DLG2: variants seen among roughly 807,000 people sequenced by gnomAD.
DLG2 encodes the protein discs large MAGUK scaffold protein 2.
DLG2 carries 45 observed loss-of-function variants against 132.5 expected under a neutral mutation model. That is an observed-to-expected ratio of 0.34 (90% CI 0.27 to 0.44). DLG2 has a LOEUF of 0.44. DLG2 is among the 20% of genes least tolerant of loss of function. The pLI is 1.00. For synonymous variants in DLG2, 424 were observed against 419.6 expected (o/e 1.01, Z -0.13); for missense variants, 1,045 against 1,196.9 (o/e 0.87, Z 1.87).
intron 3 of DLG2, among the ~76,000 whole-genome samples, chr11:85,494,271 T>C (rs962510959): frequency 6.6e-6 from 1 of 152,238 alleles, no homozygotes; most frequent in Non-Finnish European, 1.5e-5. Flanking sequence ...ATAACATGTA[T>C]TGATTTTTGG....
intron 18 of DLG2, among the ~76,000 whole-genome samples, chr11:83,640,447 C>G (rs1271062886): frequency 2.0e-5 from 3 of 152,150 alleles, no homozygotes; most frequent in African/African-American, 7.2e-5. Context: ...TGGTTTACAT[C>G]TATTCTTAGC....
intron 14 of DLG2, among the ~76,000 whole-genome samples, chr11:83,932,236 GA>G (rs147994073): frequency 4.0e-5 from 6 of 150,144 alleles, no homozygotes; most frequent in Non-Finnish European, 7.4e-5. Context: ...CACATTTGAA[GA>G]TTTTTTTTTT....
At chr11:85,579,480 T>C (rs546608534) in intron 3 of DLG2, among the ~76,000 whole-genome samples, 4 of 152,280 alleles carry the variant, frequency 2.6e-5, no homozygotes, top group South Asian at 4.1e-4. Flanking sequence ...CGAAGTGGTA[T>C]GTACAAGAAG....
rs190583914 is a variant in DLG2, at chr11:84,234,651, G to C, written c.573+16587C>G. ...CAGGCCATGATGGGAATGGGTGGTT[G>C]GACATGCTTCATTAATCCCTCCTCC... On this transcript the variant is annotated intron_variant, in intron 8 of 27. Transcript: ENST00000376104. 1.2e-4 allele frequency among the ~76,000 whole-genome samples: 18 copies of C among 152,232 alleles called. No homozygotes were observed. The East Asian group carries it at 3.3e-3, about 28-fold the overall frequency.
chr11:84,639,099 T>C (rs961232780), intron 6 of DLG2, among the ~76,000 whole-genome samples: 1 of 152,200 alleles, frequency 6.6e-6, no homozygotes, highest in African/African-American at 2.4e-5. Flanking sequence ...TTATCAAGTA[T>C]GTTATGAGTT....
At chr11:84,827,571 A>G (rs182369593) in intron 6 of DLG2, among the ~76,000 whole-genome samples, 7 of 150,580 alleles carry the variant, frequency 4.6e-5, no homozygotes, top group African/African-American at 1.5e-4. Context: ...AGTTAGGCAG[A>G]AGAGCATGGC....
chr11:83,861,582 C>A (rs1343229788), intron 16 of DLG2, among the ~76,000 whole-genome samples: 1 of 152,090 alleles, frequency 6.6e-6, no homozygotes, highest in Admixed American at 6.6e-5. Context: ...ATGGATAAAA[C>A]TGGAGATCAT....
chr11:83,767,111 G>A (rs1175123899), intron 18 of DLG2, among the ~76,000 whole-genome samples: 4 of 152,056 alleles, frequency 2.6e-5, no homozygotes, highest in Non-Finnish European at 4.4e-5. Flanking sequence ...CCTTAATTTC[G>A]TCACATCTGA....
chr11:85,025,126 T>A (rs1181131263), intron 6 of DLG2, among the ~76,000 whole-genome samples: 1 of 152,236 alleles, frequency 6.6e-6, no homozygotes, highest in Non-Finnish European at 1.5e-5. Flanking sequence ...AAACGTATTC[T>A]ATAATTGTAG....
intron 7 of DLG2, among the ~76,000 whole-genome samples, chr11:84,382,626 A>G (rs1198788256): frequency 6.6e-6 from 1 of 152,176 alleles, no homozygotes; most frequent in East Asian, 1.9e-4. Context: ...TTGTTTTATC[A>G]TAACCATTTG....
intron 6 of DLG2, among the ~76,000 whole-genome samples, chr11:84,941,144 T>C (rs1442846365): frequency 6.6e-6 from 1 of 152,216 alleles, no homozygotes; most frequent in Non-Finnish European, 1.5e-5. Flanking sequence ...GTAGTATAAT[T>C]TGAAGTCAGG....
chr11:83,789,933 T>A lies in DLG2; in HGVS notation c.1723-3141A>T, dbSNP rs942528916. On this transcript the variant is annotated intron_variant, in intron 17 of 27. Transcript: ENST00000376104. ...TAAACTGTGTTTCAATCTCTTTTTC[T>A]TATTCCCAAAGTGCAAGATGCAGGG... is the stretch of plus-strand genomic sequence containing the variant. 10 of 1,066,050 alleles carry A rather than the reference T, an allele frequency of 9.4e-6. No homozygotes were observed. The African/African-American group carries it at 1.6e-4, about 17-fold the overall frequency. 66.0% of individuals were successfully genotyped at this position (1,066,050 alleles called of 1,614,324 possible).
rs142638064 is a variant in DLG2 at position 84,515,276 on chromosome 11, T to TACAC, written c.519+19290_519+19293dup. ...CGTAGATTGGCTGAATGAACTTAAA[T>TACAC]ACACACACACACACACACACACACA... On this transcript the variant is annotated intron_variant, in intron 7 of 27. Coordinates refer to ENST00000376104, the MANE Select transcript of DLG2 (RefSeq NM_001142699.3). 5.5e-3 allele frequency among the ~76,000 whole-genome samples: 781 copies of TACAC among 141,930 alleles called. 9 individuals are homozygous for TACAC. Among genetic ancestry groups the TACAC allele is most frequent in the African/African-American group, 0.012 (453 of 38,732 alleles). 93.1% of individuals were successfully genotyped at this position (141,930 alleles called of 152,430 possible).
At chr11:84,503,785 A>T (rs1253113480) in intron 7 of DLG2, among the ~76,000 whole-genome samples, 1 of 152,248 alleles carries the variant, frequency 6.6e-6, no homozygotes, top group Non-Finnish European at 1.5e-5. Context: ...ACTAGACCTC[A>T]GTGAAGAAAG....
chr11:84,250,489 C>T (rs546094087), intron 8 of DLG2, among the ~76,000 whole-genome samples: 4 of 152,166 alleles, frequency 2.6e-5, no homozygotes, highest in African/African-American at 4.8e-5. Context: ...CAGCTTCATA[C>T]CCCCTGTCTA....
chr11:85,265,400 A>C (rs1470995203), intron 4 of DLG2, among the ~76,000 whole-genome samples: 2 of 152,242 alleles, frequency 1.3e-5, no homozygotes, highest in Non-Finnish European at 2.9e-5. Flanking sequence ...AAGTGGGACA[A>C]GTTCAAAACC....
intron 3 of DLG2, among the ~76,000 whole-genome samples, chr11:85,537,707 G>A (rs2075691366): frequency 6.6e-6 from 1 of 151,964 alleles, no homozygotes; most frequent in Admixed American, 6.6e-5. Flanking sequence ...CACTCACTGT[G>A]AAGGTCTGCA....
At position 84,872,253 on chromosome 11, in the gene DLG2, C is replaced by T. The variant is rs542639893; in HGVS notation, c.357+239408G>A. 3.3e-5 allele frequency among the ~76,000 whole-genome samples: 5 copies of T among 152,260 alleles called. No individual in the cohort carries two copies. The South Asian group carries it at 1.0e-3, about 32-fold the overall frequency. ...ATTGTTTCATCTTTACTCTTTCAAGCAGTCTTATTATTGTGCTCCTCAGTC... is the reference window on the plus strand; with the variant it reads ...ATTGTTTCATCTTTACTCTTTCAAGTAGTCTTATTATTGTGCTCCTCAGTC... On this transcript the variant is annotated intron_variant, in intron 6 of 27. Transcript: ENST00000376104.
chr11:85,262,468 G>T (rs1252867831), intron 4 of DLG2, among the ~76,000 whole-genome samples: 1 of 152,054 alleles, frequency 6.6e-6, no homozygotes, highest in Admixed American at 6.5e-5. Context: ...GAAACCACCC[G>T]TACTTCCACA....
Sources: gnomAD v4.1 joint callset for allele counts (sites outside exome capture counted in the v4.1 genomes callset) on GRCh38, gnomAD v4.1.1 for gene constraint, MANE v1.5 for transcripts, NCBI Gene and HGNC (gene_info 2026-07-23, HGNC 2026-07-21) for gene names.